Variants in CHERP observed in about 807,000 individuals in gnomAD.
CHERP encodes the protein ERPROT 213-21.
In CHERP, 8 loss-of-function variants were observed where a neutral mutation model predicts 113.8. That is an observed-to-expected ratio of 0.07 (90% CI 0.04 to 0.13). The LOEUF is 0.13. Ranked by LOEUF, CHERP falls within the 10% of genes least tolerant of loss-of-function variation. The probability of loss-of-function intolerance (pLI) is 1.00; values close to 1 mark genes in which losing one functional copy is unlikely to be tolerated. For synonymous variants in CHERP, 559 were observed against 524.5 expected (o/e 1.07, Z -0.90); for missense variants, 884 against 1,298.2 (o/e 0.68, Z 4.90).
chr19:16,542,437 C>T lies in CHERP; in HGVS notation c.-59G>A, dbSNP rs2122297994. On this transcript the variant is annotated 5_prime_UTR_variant, in exon 1 of 17. Transcript: ENST00000546361. ...CACGATCGACCACCAGCGCCGTCTG[C>T]GGAAGCCGGCCGGAAGTGGCGCGAG... 3 of 1,299,386 alleles carry T rather than the reference C, an allele frequency of 2.3e-6. No individual in the cohort carries two copies. The highest frequency in any genetic ancestry group is 3.0e-5 in the East Asian group (1 of 33,834). The allele number at this position is 1,299,386 out of a possible 1,614,324, so 80.5% of individuals were successfully genotyped here.
intron 1 of CHERP, 129 bp from the exon 2 acceptor site, chr19:16,542,172 G>T (rs1386702241): frequency 1.7e-6 from 2 of 1,181,180 alleles, no homozygotes; most frequent in Non-Finnish European, 2.3e-6. Context: ...GGCCGCCCTT[G>T]TACGGGTCCC....
At chr19:16,521,784 C>T (rs2085617820) in intron 11 of CHERP, 130 bp from the exon 12 acceptor site, 1 of 791,340 alleles carries the variant, frequency 1.3e-6, no homozygotes, top group East Asian at 3.2e-5. Context: ...ACCAGAGCTC[C>T]TCATGCTTCC....
At chr19:16,522,690 C>G (rs2085627788) in intron 11 of CHERP, among the ~76,000 whole-genome samples, 2 of 152,200 alleles carry the variant, frequency 1.3e-5, no homozygotes, top group Admixed American at 1.3e-4. Context: ...GCACAGCTCA[C>G]AGGTGGCTCC....
chr19:16,521,969 G>A (rs1337516562), intron 11 of CHERP, among the ~76,000 whole-genome samples: 4 of 152,222 alleles, frequency 2.6e-5, no homozygotes, highest in Admixed American at 6.5e-5. Flanking sequence ...GACATGCAGC[G>A]GGCCCCTCAC....
At position 16,520,716 on chromosome 19, in the gene CHERP, G is replaced by T. The variant is rs931969986; in HGVS notation, c.2201+110C>A. On this transcript the variant is annotated intron_variant, in intron 13 of 16. Transcript: ENST00000546361. This position sits in a 1 kb window ranked among gnomAD's most constrained non-coding sequence, Gnocchi z 4.0. ...GCCTTGTGGAAAACACCGCCCCATA[G>T]GCACAGGCTGTGTGAGGGTGGACGT... 2.4e-6 allele frequency: 3 copies of T among 1,232,832 alleles called. No homozygotes were observed. The highest frequency in any genetic ancestry group is 3.5e-6 in the Non-Finnish European group (3 of 845,280). The allele number at this position is 1,232,832 out of a possible 1,614,324, so 76.4% of individuals were successfully genotyped here. A position where few individuals can be genotyped will look rare whatever the true frequency, so the allele number is the denominator to read the frequency against.
intron 10 of CHERP, among the ~76,000 whole-genome samples, chr19:16,524,748 A>T (rs976405189): frequency 1.3e-5 from 2 of 151,736 alleles, no homozygotes; most frequent in African/African-American, 2.4e-5. Context: ...AAATTTTTTT[A>T]AAAAAGAAAA....
intron 2 of CHERP, among the ~76,000 whole-genome samples, chr19:16,541,052 G>C (rs574433164): frequency 1.3e-5 from 2 of 151,996 alleles, no homozygotes; most frequent in African/African-American, 2.4e-5. Context: ...AAGGGACAAT[G>C]ACCTTGTACC....
Position 16,532,567 on chromosome 19 carries a change from G to A in CHERP, c.674+31C>T. ...GGGTTGAGGAGGAGCGCGAGGAAGT[G>A]GCGCTCTGGGCACGGGGTGGCGGCG... On this transcript the variant is annotated intron_variant, in intron 5 of 16. Coordinates refer to ENST00000546361, the MANE Select transcript of CHERP (RefSeq NM_006387.6). This position sits in a 1 kb window ranked among gnomAD's most constrained non-coding sequence, Gnocchi z 4.4. 1 of 1,563,468 alleles carries A rather than the reference G, an allele frequency of 6.4e-7. No individual in the cohort carries two copies. Among genetic ancestry groups the A allele is most frequent in the Non-Finnish European group, 8.7e-7 (1 of 1,154,190 alleles).
At chr19:16,537,318 CCCTCACATGCTGGGGTGCGCGG>C (rs1456816590) in intron 2 of CHERP, among the ~76,000 whole-genome samples, 1 of 152,038 alleles carries the variant, frequency 6.6e-6, no homozygotes, top group Non-Finnish European at 1.5e-5. Flanking sequence ...TCCCGTTGGA[CCCTCACATGCTGGGGTGCGCGG>C]CCTGTGTTCT....
At chr19:16,541,594 T>C (rs1347167473) in intron 2 of CHERP, 1 of 396,714 alleles carries the variant, frequency 2.5e-6, no homozygotes. Flanking sequence ...ACGCTACTCC[T>C]GCTAATCTCC....
At chr19:16,539,731 T>C (rs543172862) in intron 2 of CHERP, 1 of 150,344 alleles carries the variant, frequency 6.7e-6, no homozygotes, top group Admixed American at 6.6e-5. Flanking sequence ...GTGCAGTGGC[T>C]ATTTACAGGC....
rs779692679 is a variant in CHERP, at chr19:16,532,576, G to C, written c.674+22C>G. 3.5e-5 allele frequency: 56 copies of C among 1,577,506 alleles called. No individual in the cohort carries two copies. Among genetic ancestry groups the C allele is most frequent in the Non-Finnish European group, 4.7e-5 (55 of 1,161,884 alleles). On this transcript the variant is annotated intron_variant, in intron 5 of 16. Coordinates refer to ENST00000546361, the MANE Select transcript of CHERP (RefSeq NM_006387.6). The surrounding 1 kb of genome is among the most constrained non-coding windows in gnomAD (Gnocchi z 4.4). Reference sequence around the variant, plus strand: ...AGGAGCGCGAGGAAGTGGCGCTCTGGGCACGGGGTGGCGGCGCTCACCAGT... The same window carrying C: ...AGGAGCGCGAGGAAGTGGCGCTCTGCGCACGGGGTGGCGGCGCTCACCAGT...
At chr19:16,526,955 TGCCTTGTTGCCCAG>T (rs1182309929) in intron 9 of CHERP, among the ~76,000 whole-genome samples, 2 of 151,460 alleles carry the variant, frequency 1.3e-5, no homozygotes, top group Non-Finnish European at 2.9e-5. Context: ...GATGGAGTCT[TGCCTTGTTGCCCAG>T]GCTGGTCCCA....
chr19:16,534,052 C>CTTTT lies in CHERP; in HGVS notation c.385-908_385-905dup, dbSNP rs200659711. ...GGTGAGCATTCTGGAACTTTCTTTT[C>CTTTT]TTTTCTTTTTTTTTTTTTTGAGATG... On this transcript the variant is annotated intron_variant, in intron 3 of 16. Transcript: ENST00000546361. Among the ~76,000 whole-genome samples the CTTTT allele has an allele frequency of 4.5e-5, 6 of 133,812 alleles. 1 individual carries two copies. The highest frequency in any genetic ancestry group is 6.4e-5 in the African/African-American group (2 of 31,462). 87.8% of individuals were successfully genotyped at this position (133,812 alleles called of 152,430 possible). A position where few individuals can be genotyped will look rare whatever the true frequency, so the allele number is the denominator to read the frequency against.
rs569689538 is a variant in CHERP at position 16,538,656 on chromosome 19, C to A, written c.200-3020G>T. ...CAAGATCTTGCCACTGTACTCCAGC[C>A]TGGGCAACAAGAGCAAGACTCCATC... On this transcript the variant is annotated intron_variant, in intron 2 of 16. Transcript: ENST00000546361. Among the ~76,000 whole-genome samples the A allele has an allele frequency of 1.0e-3, 154 of 152,140 alleles. 1 individual carries two copies. Among genetic ancestry groups the A allele is most frequent in the African/African-American group, 3.7e-3 (153 of 41,482 alleles).
At position 16,535,554 on chromosome 19, in the gene CHERP, C is replaced by A. The variant is rs746454553; in HGVS notation, c.282G>T (p.Ala94=). 225 of 1,583,846 alleles carry A rather than the reference C, an allele frequency of 1.4e-4. No homozygotes were observed. The highest frequency in any genetic ancestry group is 1.8e-4 in the Non-Finnish European group (207 of 1,165,880). The change falls in exon 3 of 17, where the codon GCG becomes GCT. Residue 94 remains alanine (A), a synonymous_variant. Transcript: ENST00000546361. The surrounding 1 kb of genome is among the most constrained non-coding windows in gnomAD (Gnocchi z 4.3). ...PLPQPPLAPA[A]PIPPAQGAPS... is the part of the protein sequence containing the mutation. ...GCGCGCCCTGGGCCGGCGGGATGGG[C>A]GCGGCGGGGGCCAGCGGGGGCTGTG...
Position 16,535,430 on chromosome 19 carries a change from C to G in CHERP, c.384+22G>C, listed in dbSNP as rs140382624. 2.5e-6 allele frequency: 4 copies of G among 1,601,546 alleles called. No individual in the cohort carries two copies. The Admixed American group carries it at 5.1e-5, about 21-fold the overall frequency. On this transcript the variant is annotated intron_variant, in intron 3 of 16. Transcript: ENST00000546361. The surrounding 1 kb of genome is among the most constrained non-coding windows in gnomAD (Gnocchi z 4.3). ...CACAGGGGAGCTGCTGGTGTCTGGC[C>G]GAGGAGGCGGCGGGCCCATACCTGT... is the stretch of plus-strand genomic sequence containing the variant.
In CHERP at chr19:16,530,940, G is replaced by C. The variant is rs778767325; in HGVS notation, c.675-60C>G. Reference sequence around the variant, plus strand: ...TGGGGCGGGACCCGGCCACGCGCCCGTTACCATCGCGGCTCCAGCCTCAGC... The same window carrying C: ...TGGGGCGGGACCCGGCCACGCGCCCCTTACCATCGCGGCTCCAGCCTCAGC... On this transcript the variant is annotated intron_variant, in intron 5 of 16. Coordinates refer to ENST00000546361, the MANE Select transcript of CHERP (RefSeq NM_006387.6). The surrounding 1 kb of genome is among the most constrained non-coding windows in gnomAD (Gnocchi z 4.1). 6.3e-7 allele frequency: 1 copy of C among 1,585,496 alleles called. No homozygotes were observed. The highest frequency in any genetic ancestry group is 1.8e-4 in the Middle Eastern group (1 of 5,700).
chr19:16,538,919 C>T (rs1050324081), intron 2 of CHERP, among the ~76,000 whole-genome samples: 23 of 151,872 alleles, frequency 1.5e-4, no homozygotes, highest in Non-Finnish European at 1.5e-4. Flanking sequence ...ATGGATTCTA[C>T]CCCTTCACCC....
Sources: allele counts gnomAD v4.1 joint callset (sites outside exome capture counted in the v4.1 genomes callset), GRCh38; gene constraint gnomAD v4.1.1; non-coding constraint Gnocchi (gnomAD v3.1); transcripts MANE v1.5; gene names NCBI Gene and HGNC (gene_info 2026-07-23, HGNC 2026-07-21).